The following LRRC4C variants were observed in gnomAD, a reference collection of about 807,000 sequenced individuals.
The protein encoded by LRRC4C is leucine rich repeat containing 4C.
Under a neutral mutation model 33.6 loss-of-function variants are expected in LRRC4C, and 5 were observed. The ratio of observed to expected loss-of-function variants is 0.15; its 90% CI spans 0.08 to 0.31. The LOEUF (loss-of-function observed/expected upper bound fraction) is 0.31. Among genes scored for constraint, LRRC4C ranks in the 10% least tolerant of loss-of-function variants. LRRC4C has a pLI of 1.00. For synonymous variants in LRRC4C, 329 were observed against 302.0 expected (o/e 1.09, Z -0.93); for missense variants, 560 against 796.7 (o/e 0.70, Z 3.58).
intron 1 of LRRC4C, among the ~76,000 whole-genome samples, chr11:41,270,612 A>G (rs1949289619): frequency 6.6e-6 from 1 of 152,058 alleles, no homozygotes; most frequent in South Asian, 2.1e-4. Context: ...TGCCAAATAA[A>G]ACCGTACCAT....
At chr11:40,444,577 T>C (rs1951545891) in intron 3 of LRRC4C, among the ~76,000 whole-genome samples, 1 of 152,066 alleles carries the variant, frequency 6.6e-6, no homozygotes, top group Non-Finnish European at 1.5e-5. Context: ...AATGCCTCTA[T>C]ACAATCTTTT....
intron 4 of LRRC4C, among the ~76,000 whole-genome samples, chr11:40,246,948 A>G (rs1460582987): frequency 1.3e-5 from 2 of 152,194 alleles, no homozygotes; most frequent in African/African-American, 4.8e-5. Flanking sequence ...ACAAAGAGAA[A>G]TAATACCAAC....
intron 1 of LRRC4C, among the ~76,000 whole-genome samples, chr11:41,186,078 A>G (rs776059455): frequency 7.9e-5 from 12 of 152,126 alleles, no homozygotes; most frequent in Non-Finnish European, 1.5e-4. Flanking sequence ...AGATAGATAA[A>G]TGACATGAAT....
intron 5 of LRRC4C, among the ~76,000 whole-genome samples, chr11:40,147,187 T>C (rs575414125): frequency 6.6e-6 from 1 of 152,234 alleles, no homozygotes; most frequent in East Asian, 1.9e-4. Context: ...CACTTGCAGG[T>C]AGAACAAATC....
chr11:40,602,522 T>C (rs1052880802), intron 3 of LRRC4C, among the ~76,000 whole-genome samples: 1 of 151,796 alleles, frequency 6.6e-6, no homozygotes, highest in African/African-American at 2.4e-5. Flanking sequence ...AAATGTTCTA[T>C]GTTATCACAA....
At chr11:41,326,821 T>C (rs1951134619) in intron 1 of LRRC4C, among the ~76,000 whole-genome samples, 1 of 152,192 alleles carries the variant, frequency 6.6e-6, no homozygotes, top group African/African-American at 2.4e-5. Flanking sequence ...AAGGGCTAAC[T>C]CTGTCCTGCA....
intron 2 of LRRC4C, among the ~76,000 whole-genome samples, chr11:40,909,065 T>A (rs1956551491): frequency 6.6e-6 from 1 of 152,070 alleles, no homozygotes; most frequent in Non-Finnish European, 1.5e-5. Context: ...TTTGTAGGTG[T>A]TATTTTCTTT....
intron 1 of LRRC4C, among the ~76,000 whole-genome samples, chr11:41,064,304 C>T (rs967261323): frequency 3.9e-5 from 6 of 152,172 alleles, no homozygotes; most frequent in African/African-American, 1.2e-4. Flanking sequence ...GTTTAAAACA[C>T]CTCTTCCTTA....
chr11:41,002,977 T>C (rs61887623), intron 1 of LRRC4C, among the ~76,000 whole-genome samples: 21,748 of 152,160 alleles, frequency 0.14, 1,650 homozygotes, highest in Non-Finnish European at 0.16. Flanking sequence ...ATTATACATG[T>C]GTAATATTTA....
intron 3 of LRRC4C, among the ~76,000 whole-genome samples, chr11:40,336,941 CACTCCAGCCTGGGGGACAGAGCGAG>C (rs1946642444): frequency 8.1e-6 from 1 of 123,896 alleles, no homozygotes; most frequent in Non-Finnish European, 1.6e-5. Context: ...TGCACCACTG[CACTCCAGCCTGGGGGACAGAGCGAG>C]ACTTCGTCTC....
At chr11:41,150,659 G>A (rs1016340517) in intron 1 of LRRC4C, among the ~76,000 whole-genome samples, 3 of 151,732 alleles carry the variant, frequency 2.0e-5, no homozygotes, top group African/African-American at 7.3e-5. Context: ...GTGTGGTGAT[G>A]CTTGCCTATA....
At chr11:40,870,823 C>T (rs1269190207) in intron 2 of LRRC4C, among the ~76,000 whole-genome samples, 1 of 152,162 alleles carries the variant, frequency 6.6e-6, no homozygotes, top group Non-Finnish European at 1.5e-5. Context: ...GAAAAAAGAA[C>T]AAGATGACAG....
chr11:40,256,229 A>T (rs1324179444), intron 4 of LRRC4C, among the ~76,000 whole-genome samples: 2 of 152,178 alleles, frequency 1.3e-5, no homozygotes, highest in African/African-American at 4.8e-5. Flanking sequence ...TTGTGGAAAG[A>T]TCCTAGCTTG....
At chr11:40,731,297 C>T (rs1367800569) in intron 2 of LRRC4C, among the ~76,000 whole-genome samples, 2 of 151,470 alleles carry the variant, frequency 1.3e-5, no homozygotes, top group Non-Finnish European at 2.9e-5. Flanking sequence ...CCAGCCTGGG[C>T]AACAGAGCCA....
chr11:41,440,686 T>G (rs1955589995), intron 1 of LRRC4C, among the ~76,000 whole-genome samples: 1 of 152,060 alleles, frequency 6.6e-6, no homozygotes, highest in Non-Finnish European at 1.5e-5. Flanking sequence ...AGGGACCTGG[T>G]GGGAGGTGAC....
At chr11:40,460,862 C>T (rs1407550971) in intron 3 of LRRC4C, among the ~76,000 whole-genome samples, 6 of 152,068 alleles carry the variant, frequency 3.9e-5, no homozygotes, top group African/African-American at 1.2e-4. Flanking sequence ...GGAAAGCCTT[C>T]ATATAAAAAC....
chr11:40,518,605 G>T (rs1361968755), intron 3 of LRRC4C, among the ~76,000 whole-genome samples: 1 of 152,202 alleles, frequency 6.6e-6, no homozygotes, highest in East Asian at 1.9e-4. Flanking sequence ...GGAAACAACA[G>T]ATAATGGAGA....
intron 1 of LRRC4C, among the ~76,000 whole-genome samples, chr11:41,330,096 T>C (rs531062850): frequency 3.3e-5 from 5 of 152,316 alleles, no homozygotes; most frequent in East Asian, 1.9e-4. Flanking sequence ...CATGCAATCA[T>C]GCAGGCAGTA....
intron 1 of LRRC4C, among the ~76,000 whole-genome samples, chr11:41,114,961 G>A (rs371333259): frequency 6.6e-6 from 1 of 152,036 alleles, no homozygotes; most frequent in Non-Finnish European, 1.5e-5. Flanking sequence ...ATAACACAGT[G>A]GAGGAGGAGT....
Sources: allele counts gnomAD v4.1 joint callset (sites outside exome capture counted in the v4.1 genomes callset), GRCh38; gene constraint gnomAD v4.1.1; transcripts MANE v1.5; gene names NCBI Gene and HGNC (gene_info 2026-07-23, HGNC 2026-07-21).